The following CRBN variants were observed in gnomAD, a reference collection of about 807,000 sequenced individuals.
CRBN encodes the protein cereblon, also known as protein cereblon.
A neutral mutation model predicts 62.2 loss-of-function variants in CRBN; 53 were observed. The ratio of observed to expected loss-of-function variants is 0.85; its 90% CI spans 0.68 to 1.07. The LOEUF (loss-of-function observed/expected upper bound fraction) is 1.07, where lower values mean the gene tolerates loss of function less well. Among genes scored for constraint, CRBN ranks in the 50% least tolerant of loss-of-function variants. CRBN has a pLI of 0.00. For missense variants in CRBN, 616 were observed against 531.1 expected (o/e 1.16, Z -1.57); for synonymous variants, 208 against 176.1 (o/e 1.18, Z -1.43).
At chr3:3,179,700 G>T, upstream of CRBN, 1 of 1,611,992 alleles carries the variant, frequency 6.2e-7, no homozygotes, top group Non-Finnish European at 8.5e-7. Flanking sequence ...CTGTTTACCC[G>T]CAAAGGAGGC....
intron 5 of CRBN, 109 bp from the exon 6 acceptor site, chr3:3,156,390 T>TA: frequency 2.2e-6 from 2 of 922,892 alleles, no homozygotes; most frequent in East Asian, 2.5e-5. Context: ...CATCTAATTT[T>TA]AAAAAGATAA....
chr3:3,151,189 G>A (rs553149100), intron 10 of CRBN, 144 bp from the exon 11 acceptor site: 11 of 840,618 alleles, frequency 1.3e-5, no homozygotes, highest in Non-Finnish European at 1.8e-5. Flanking sequence ...ACAGTTCCCT[G>A]AAACCTAAAA....
chr3:3,168,069 G>A (rs1707421984), intron 4 of CRBN, among the ~76,000 whole-genome samples: 1 of 151,934 alleles, frequency 6.6e-6, no homozygotes, highest in Admixed American at 6.5e-5. Context: ...GATAAATACA[G>A]AGTCTATAAA....
intron 4 of CRBN, 117 bp downstream of exon 4, chr3:3,172,659 A>G (rs1300984377): frequency 9.4e-7 from 1 of 1,059,160 alleles, no homozygotes; most frequent in Non-Finnish European, 1.5e-6. Context: ...TAGAAGGGAA[A>G]GAGAACAACT....
intron 9 of CRBN, chr3:3,152,848 A>G: frequency 4.0e-6 from 2 of 500,514 alleles, no homozygotes; most frequent in East Asian, 7.5e-5. Flanking sequence ...ACCCTCCTCA[A>G]GACAGACATT....
At chr3:3,167,843 T>C in intron 4 of CRBN, 50 bp from the exon 5 acceptor site, 1 of 1,559,374 alleles carries the variant, frequency 6.4e-7, no homozygotes, top group Non-Finnish European at 8.8e-7. Context: ...ATTGACTAAC[T>C]CAAAACTATA....
At chr3:3,160,812 C>G (rs767278683) in intron 5 of CRBN, among the ~76,000 whole-genome samples, 1 of 152,104 alleles carries the variant, frequency 6.6e-6, no homozygotes, top group Non-Finnish European at 1.5e-5. Flanking sequence ...GGCACACAAG[C>G]AGACCAAAAG....
chr3:3,167,480 G>A (rs992790404), intron 5 of CRBN, 154 bp downstream of exon 5: 9 of 688,022 alleles, frequency 1.3e-5, no homozygotes, highest in African/African-American at 1.3e-4. Flanking sequence ...TAAAGTAGCT[G>A]CCTGTGCAAT....
rs757610033 is a variant in CRBN at position 3,172,833 on chromosome 3, A to G, written c.470T>C (p.Val157Ala). 5 of 1,613,856 alleles carry G rather than the reference A, an allele frequency of 3.1e-6. No homozygotes were observed. The change falls in exon 4 of 11, where the codon GTG (valine) becomes GCG (alanine). Residue 157 changes from valine (V) to alanine (A), a missense_variant. Coordinates refer to ENST00000231948, the MANE Select transcript of CRBN (RefSeq NM_016302.4). The stretch of plus-strand genomic sequence containing the variant: ...GAACCTTTGTCTTCCAATTGCTTTC[A>G]CTTTCACTATCTCAATTCCAAAATC... Reference protein sequence around the residue: ...EQDFGIEIVKVKAIGRQRFKV... With the variant: ...EQDFGIEIVKAKAIGRQRFKV...
chr3:3,163,782 C>T (rs185369759), intron 5 of CRBN, among the ~76,000 whole-genome samples: 66 of 152,200 alleles, frequency 4.3e-4, no homozygotes, highest in African/African-American at 1.5e-3. Flanking sequence ...ATACTTAATA[C>T]AGGCATACTG....
Position 3,150,638 on chromosome 3 carries a change from A to C in CRBN, c.*227T>G. 1 of 470,694 alleles carries C rather than the reference A, an allele frequency of 2.1e-6. No individual in the cohort carries two copies. The highest frequency in any genetic ancestry group is 3.9e-6 in the Non-Finnish European group (1 of 256,446). 29.2% of individuals were successfully genotyped at this position (470,694 alleles called of 1,614,324 possible). On this transcript the variant is annotated 3_prime_UTR_variant, in exon 11 of 11. Transcript: ENST00000231948. Reference sequence around the variant, plus strand: ...CAGGATAATGGCACCAAGCTACCCAAGTAGATGTTTCTGGTATTCTAGACT... The same window carrying C: ...CAGGATAATGGCACCAAGCTACCCACGTAGATGTTTCTGGTATTCTAGACT...
At chr3:3,155,467 A>T (rs185985424) in intron 6 of CRBN, 481 of 153,262 alleles carry the variant, frequency 3.1e-3, no homozygotes, top group Non-Finnish European at 4.9e-3. Context: ...TATCCATTTC[A>T]TAGGTCCTTG....
chr3:3,161,307 C>A (rs910433313), intron 5 of CRBN, among the ~76,000 whole-genome samples: 8 of 152,154 alleles, frequency 5.3e-5, no homozygotes, highest in African/African-American at 1.9e-4. Context: ...ACTGCTCTTA[C>A]AACAAAATGC....
intron 4 of CRBN, among the ~76,000 whole-genome samples, chr3:3,168,494 A>G (rs1309151617): frequency 6.6e-6 from 1 of 152,182 alleles, no homozygotes; most frequent in African/African-American, 2.4e-5. Context: ...GGAAGGTTGT[A>G]TCTATGAGCT....
chr3:3,173,828 C>T (rs1172322604), intron 3 of CRBN: 2 of 529,150 alleles, frequency 3.8e-6, no homozygotes, highest in South Asian at 2.6e-5. Flanking sequence ...TTTCAAATAC[C>T]AGAAAGTTAA....
intron 5 of CRBN, among the ~76,000 whole-genome samples, chr3:3,161,417 G>T (rs1465012629): frequency 1.3e-5 from 2 of 151,944 alleles, no homozygotes; most frequent in Non-Finnish European, 2.9e-5. Context: ...TTGCCTGTCA[G>T]GCCATGATGA....
At chr3:3,152,251 C>G (rs943367615) in intron 10 of CRBN, among the ~76,000 whole-genome samples, 2 of 151,342 alleles carry the variant, frequency 1.3e-5, no homozygotes, top group African/African-American at 4.9e-5. Flanking sequence ...CTTCCAGGTT[C>G]AAGAGATTCT....
chr3:3,152,646 T>G (rs1450529643), intron 9 of CRBN, 59 bp from the exon 10 acceptor site: 1 of 1,600,504 alleles, frequency 6.2e-7, no homozygotes, highest in Non-Finnish European at 8.6e-7. Context: ...TTTTATTAAA[T>G]GCTTAGAATT....
At position 3,173,920 on chromosome 3, in the gene CRBN, T is replaced by C; in HGVS notation, c.377+139A>G. 3 of 753,682 alleles carry C rather than the reference T, an allele frequency of 4.0e-6. No homozygotes were observed. In the Admixed American group the frequency reaches 6.0e-5, roughly 15 times the overall value. The allele number at this position is 753,682 out of a possible 1,614,324, so 46.7% of individuals were successfully genotyped here. A position where few individuals can be genotyped will look rare whatever the true frequency, so the allele number is the denominator to read the frequency against. ...CCAACTTGCACTATCAAACTTCTAC[T>C]TAACCAAATTCCTAACCTCACATTC... On this transcript the variant is annotated intron_variant, in intron 3 of 10. Transcript: ENST00000231948.
Sources: gnomAD v4.1 joint callset for allele counts (sites outside exome capture counted in the v4.1 genomes callset) on GRCh38, gnomAD v4.1.1 for gene constraint, MANE v1.5 for transcripts, NCBI Gene and HGNC (gene_info 2026-07-23, HGNC 2026-07-21) for gene names.